LOXL3: variants seen among roughly 807,000 people sequenced by gnomAD.
LOXL3 encodes the protein lysyl oxidase like 3.
Under a neutral mutation model 91.8 loss-of-function variants are expected in LOXL3, and 60 were observed. That is an observed-to-expected ratio of 0.65 (90% CI 0.53 to 0.81). The LOEUF (loss-of-function observed/expected upper bound fraction) is 0.81. Ranked by LOEUF, LOXL3 falls within the 30% of genes least tolerant of loss-of-function variation. The probability of loss-of-function intolerance (pLI) is 0.00; values close to 1 mark genes in which losing one functional copy is unlikely to be tolerated. For missense variants in LOXL3, 874 were observed against 1,000.4 expected, an observed-to-expected ratio of 0.87 and a Z score of 1.70; for synonymous variants, 355 against 387.6, an observed-to-expected ratio of 0.92 and a Z score of 0.99.
chr2:74,535,186 C>T lies in LOXL3; in HGVS notation c.1579+106G>A, dbSNP rs1675929718. 2 of 1,356,542 alleles carry T rather than the reference C, an allele frequency of 1.5e-6. No homozygotes were observed. The highest frequency in any genetic ancestry group is 2.0e-6 in the Non-Finnish European group (2 of 1,002,868). The allele number at this position is 1,356,542 out of a possible 1,614,324, so 84.0% of individuals were successfully genotyped here. A position where few individuals can be genotyped will look rare whatever the true frequency, so the allele number is the denominator to read the frequency against. On this transcript the variant is annotated intron_variant, in intron 9 of 13. Coordinates refer to ENST00000264094, the MANE Select transcript of LOXL3 (RefSeq NM_032603.5). This position sits in a 1 kb window ranked among gnomAD's most constrained non-coding sequence, Gnocchi z 4.2. Reference sequence around the variant, plus strand: ...GCCACTGCACCCGGCGAAACTGGCTCTTTTATGGGGAAGAAGTGCCCCTCC... The same window carrying T: ...GCCACTGCACCCGGCGAAACTGGCTTTTTTATGGGGAAGAAGTGCCCCTCC...
At chr2:74,554,691 G>T (rs1677272343), upstream of LOXL3, 2 of 1,541,580 alleles carry the variant, frequency 1.3e-6, no homozygotes, top group Non-Finnish European at 1.8e-6. The surrounding 1 kb of genome is among the most constrained non-coding windows in gnomAD (Gnocchi z 4.9). Flanking sequence ...AGGGAACCCG[G>T]CCCCGCCTCC....
Position 74,532,722 on chromosome 2 carries a change from A to C in LOXL3, c.*884T>G. 6.2e-7 allele frequency: 1 copy of C among 1,611,982 alleles called. No homozygotes were observed. On this transcript the variant is annotated 3_prime_UTR_variant, in exon 14 of 14. Transcript: ENST00000264094. ...GGGCTCCCCTGCACACCGGTGAGGG[A>C]GAGGCTGCAGTGTGATATGGGGATG...
In LOXL3 at chr2:74,536,621, A is replaced by C; in HGVS notation, c.912+88T>G. The C allele has an allele frequency of 6.7e-7, 1 of 1,499,046 alleles. No individual in the cohort carries two copies. The highest frequency in any genetic ancestry group is 9.2e-7 in the Non-Finnish European group (1 of 1,091,168). The allele number at this position is 1,499,046 out of a possible 1,614,324, so 92.9% of individuals were successfully genotyped here. On this transcript the variant is annotated intron_variant, in intron 5 of 13. Coordinates refer to ENST00000264094, the MANE Select transcript of LOXL3 (RefSeq NM_032603.5). This position sits in a 1 kb window ranked among gnomAD's most constrained non-coding sequence, Gnocchi z 4.5. ...CCCTGGAAGGCTCCTCTCTGTCCTCAAAGGTCAGGGCTGTGCTTAGTCTGG... is the reference window on the plus strand; with the variant it reads ...CCCTGGAAGGCTCCTCTCTGTCCTCCAAGGTCAGGGCTGTGCTTAGTCTGG...
At chr2:74,545,381 T>C (rs967122661) in intron 4 of LOXL3, among the ~76,000 whole-genome samples, 7 of 152,224 alleles carry the variant, frequency 4.6e-5, no homozygotes, top group Admixed American at 6.5e-5. Context: ...TCTTGTCCCA[T>C]ATAAATACCT....
chr2:74,552,542 C>T lies in LOXL3; in HGVS notation c.93G>A (p.Thr31=), dbSNP rs1677084336. Residue 31 remains threonine, a synonymous_variant, in exon 2 of 14, where the codon ACG becomes ACA. Coordinates refer to ENST00000264094, the MANE Select transcript of LOXL3 (RefSeq NM_032603.5). ...GGCTCCCGGCCTTCTTCTCAGGGCC[C>T]GTGGAAGGGGACGGAGACCCCAAGC... is the stretch of plus-strand genomic sequence containing the variant. ...SSCLGSPSPS[T]GPEKKAGSQG... is the part of the protein sequence containing the mutation. 6 of 1,612,482 alleles carry T rather than the reference C, an allele frequency of 3.7e-6. No homozygotes were observed. The highest frequency in any genetic ancestry group is 2.5e-6 in the Non-Finnish European group (3 of 1,179,504).
Position 74,535,245 on chromosome 2 carries a change from C to A in LOXL3, c.1579+47G>T. 1 of 1,574,524 alleles carries A rather than the reference C, an allele frequency of 6.4e-7. No homozygotes were observed. The highest frequency in any genetic ancestry group is 8.6e-7 in the Non-Finnish European group (1 of 1,158,796). ...GCCCCCTTTCCCTGCAAACGGGTGG[C>A]CCAGACACTCCCTTCCCTGGCATGC... On this transcript the variant is annotated intron_variant, in intron 9 of 13. Transcript: ENST00000264094. The surrounding 1 kb of genome is among the most constrained non-coding windows in gnomAD (Gnocchi z 4.2).
chr2:74,546,534 T>TACACACACAGGCAC (rs1676602114), intron 4 of LOXL3, among the ~76,000 whole-genome samples: 1 of 152,048 alleles, frequency 6.6e-6, no homozygotes, highest in Admixed American at 6.6e-5. Context: ...ACCCACTACA[T>TACACACACAGGCAC]ACACACACAG....
At chr2:74,545,776 A>G (rs758032690) in intron 4 of LOXL3, among the ~76,000 whole-genome samples, 2 of 152,062 alleles carry the variant, frequency 1.3e-5, no homozygotes, top group Non-Finnish European at 2.9e-5. Context: ...AGTCTCCCCA[A>G]GGTTCAGTCT....
chr2:74,553,702 C>A (rs1677177906), intron 1 of LOXL3, among the ~76,000 whole-genome samples, 174 bp downstream of exon 1: 1 of 152,216 alleles, frequency 6.6e-6, no homozygotes, highest in African/African-American at 2.4e-5. Context: ...TAGCCCCCGC[C>A]TCCGGTATGT....
chr2:74,540,664 CTTT>C (rs562377307), intron 4 of LOXL3, among the ~76,000 whole-genome samples: 5 of 138,650 alleles, frequency 3.6e-5, no homozygotes, highest in Admixed American at 7.2e-5. Flanking sequence ...ATAATTTTTC[CTTT>C]TTTTTTTTTT....
chr2:74,532,712 C>G lies in LOXL3; in HGVS notation c.*894G>C. On this transcript the variant is annotated 3_prime_UTR_variant, in exon 14 of 14. Coordinates refer to ENST00000264094, the MANE Select transcript of LOXL3 (RefSeq NM_032603.5). Reference sequence around the variant, plus strand: ...AAGTCATCCTGGGCTCCCCTGCACACCGGTGAGGGAGAGGCTGCAGTGTGA... The same window carrying G: ...AAGTCATCCTGGGCTCCCCTGCACAGCGGTGAGGGAGAGGCTGCAGTGTGA... 6.2e-7 allele frequency: 1 copy of G among 1,613,018 alleles called. No individual in the cohort carries two copies. The highest frequency in any genetic ancestry group is 8.5e-7 in the Non-Finnish European group (1 of 1,179,218).
Position 74,549,168 on chromosome 2 carries a change from T to G in LOXL3, c.692+201A>C. The stretch of plus-strand genomic sequence containing the variant: ...GAGCGGGAGCCTCGCTGGTCCCCAT[T>G]TCAGGTACTCCCTTGGGGCACCTTT... On this transcript the variant is annotated intron_variant, in intron 4 of 13. Transcript: ENST00000264094. This position sits in a 1 kb window ranked among gnomAD's most constrained non-coding sequence, Gnocchi z 5.3. 2.1e-6 allele frequency: 1 copy of G among 484,370 alleles called. No individual in the cohort carries two copies. The highest frequency in any genetic ancestry group is 3.4e-6 in the Non-Finnish European group (1 of 291,424). 30.0% of individuals were successfully genotyped at this position (484,370 alleles called of 1,614,324 possible).
intron 4 of LOXL3, among the ~76,000 whole-genome samples, chr2:74,539,516 G>C (rs1256549532): frequency 6.6e-6 from 1 of 152,194 alleles, no homozygotes; most frequent in Non-Finnish European, 1.5e-5. Context: ...GAGGAAGAAT[G>C]AAGGTGGCTG....
chr2:74,555,309 T>C, upstream of LOXL3: 1 of 1,614,006 alleles, frequency 6.2e-7, no homozygotes, highest in Non-Finnish European at 8.5e-7. This position sits in a 1 kb window ranked among gnomAD's most constrained non-coding sequence, Gnocchi z 6.1. Flanking sequence ...AGTGTGTGAG[T>C]GTGGCCCCCG....
At position 74,536,940 on chromosome 2, in the gene LOXL3, G is replaced by A. The variant is rs1416919137; in HGVS notation, c.693-12C>T. 1 of 1,611,552 alleles carries A rather than the reference G, an allele frequency of 6.2e-7. No individual in the cohort carries two copies. The highest frequency in any genetic ancestry group is 1.3e-5 in the African/African-American group (1 of 74,900). On this transcript the variant is annotated splice_polypyrimidine_tract_variant and intron_variant, in intron 4 of 13. Transcript: ENST00000264094. This position sits in a 1 kb window ranked among gnomAD's most constrained non-coding sequence, Gnocchi z 4.5. ...GTTGGGCTAGCAGCCTAGGGGGACAGGAGTGAGGTGCAGTAGGGTAAAACA... is the reference window on the plus strand; with the variant it reads ...GTTGGGCTAGCAGCCTAGGGGGACAAGAGTGAGGTGCAGTAGGGTAAAACA...
rs1315945986 is a variant in LOXL3 at position 74,532,567 on chromosome 2, G to A, written c.*1039C>T. The A allele has an allele frequency of 3.5e-6, 5 of 1,429,830 alleles. No individual in the cohort carries two copies. In the East Asian group the frequency reaches 9.1e-5, roughly 26 times the overall value. The allele number at this position is 1,429,830 out of a possible 1,614,324, so 88.6% of individuals were successfully genotyped here. A position where few individuals can be genotyped will look rare whatever the true frequency, so the allele number is the denominator to read the frequency against. ...GATGAGAGACTTGAGGTGGAACTCA[G>A]GATGGGGAGAATGCCTGGGTTTGGC... On this transcript the variant is annotated 3_prime_UTR_variant, in exon 14 of 14. Transcript: ENST00000264094.
At position 74,536,437 on chromosome 2, in the gene LOXL3, C is replaced by T. The variant is rs755179913; in HGVS notation, c.947G>A (p.Gly316Glu). The change falls in exon 6 of 14, where the codon GGA (glycine) becomes GAA (glutamate). Residue 316 changes from glycine (G) to glutamate (E), a missense_variant. Physicochemically the swap from Gly to Glu is moderately conservative, Grantham distance 98. Transcript: ENST00000264094. The surrounding 1 kb of genome is among the most constrained non-coding windows in gnomAD (Gnocchi z 4.5). ...RVRLKGGAHP[G>E]EGRVEVLKAS... is the part of the protein sequence containing the mutation. ...CTTCAGGACTTCTACCCGGCCCTCTCCAGGGTGGGCGCCGCCCTTTAGACG... is the reference window on the plus strand; with the variant it reads ...CTTCAGGACTTCTACCCGGCCCTCTTCAGGGTGGGCGCCGCCCTTTAGACG... 6.2e-7 allele frequency: 1 copy of T among 1,613,870 alleles called. No homozygotes were observed. The highest frequency in any genetic ancestry group is 8.5e-7 in the Non-Finnish European group (1 of 1,180,010).
At chr2:74,554,880 G>C, upstream of LOXL3, 2 of 1,599,610 alleles carry the variant, frequency 1.3e-6, no homozygotes, top group Non-Finnish European at 1.7e-6. The surrounding 1 kb of genome is among the most constrained non-coding windows in gnomAD (Gnocchi z 4.9). Context: ...CCAGAAACAG[G>C]GAGAGGTGGG....
At position 74,534,194 on chromosome 2, in the gene LOXL3, C is replaced by A; in HGVS notation, c.1982G>T (p.Gly661Val). 1.9e-6 allele frequency: 3 copies of A among 1,614,194 alleles called. No individual in the cohort carries two copies. The highest frequency in any genetic ancestry group is 2.5e-6 in the Non-Finnish European group (3 of 1,180,024). The change falls in exon 12 of 14, where the codon GGC becomes GTC. Residue 661 changes from glycine to valine, a missense_variant. Coordinates refer to ENST00000264094, the MANE Select transcript of LOXL3 (RefSeq NM_032603.5). ...RYECANFGEQ[G>V]ITVGCWDLYR... ...GAGATCCCAGCAACCCACAGTGATG[C>A]CTTGCTCTCCAAAGTTGGCACACTC...
Sources: allele counts gnomAD v4.1 joint callset (sites outside exome capture counted in the v4.1 genomes callset), GRCh38; gene constraint gnomAD v4.1.1; non-coding constraint Gnocchi (gnomAD v3.1); transcripts MANE v1.5; gene names NCBI Gene and HGNC (gene_info 2026-07-23, HGNC 2026-07-21).